Variants in ANK2 observed in about 807,000 individuals in gnomAD.
ANK2 encodes ankyrin-2.
ANK2 carries 83 observed loss-of-function variants against 360.5 expected under a neutral mutation model. That is an observed-to-expected ratio of 0.23 (90% CI 0.19 to 0.28). ANK2 has a LOEUF of 0.28. Among genes scored for constraint, ANK2 ranks in the 10% least tolerant of loss-of-function variants. The pLI is 1.00. For missense variants in ANK2, 4,201 were observed against 4,795.7 expected, an observed-to-expected ratio of 0.88 and a Z score of 3.66; for synonymous variants, 1,740 against 1,759.5, an observed-to-expected ratio of 0.99 and a Z score of 0.28.
At chr4:112,948,104 C>T (rs1006334221) in intron 2 of ANK2, among the ~76,000 whole-genome samples, 4 of 152,158 alleles carry the variant, frequency 2.6e-5, no homozygotes, top group African/African-American at 9.7e-5. Context: ...AATTAGAAAT[C>T]AGAGTAGGGA....
the ANK2 span, among the ~76,000 whole-genome samples, chr4:112,725,639 C>T: frequency 1.3e-5 from 2 of 152,014 alleles, no homozygotes; most frequent in Non-Finnish European, 1.5e-5. Context: ...GGATTACAGG[C>T]GTAAGCCACT....
intron 1 of ANK2, among the ~76,000 whole-genome samples, chr4:113,092,481 T>C (rs2088864365): frequency 6.6e-6 from 1 of 152,164 alleles, no homozygotes; most frequent in Admixed American, 6.5e-5. Flanking sequence ...GCGGAATTTA[T>C]ATTTACATCA....
At chr4:113,089,864 AT>A (rs2086896020) in intron 1 of ANK2, among the ~76,000 whole-genome samples, 1 of 152,198 alleles carries the variant, frequency 6.6e-6, no homozygotes, top group Non-Finnish European at 1.5e-5. Context: ...TGATAAAAAA[AT>A]ATATGAAACA....
chr4:112,811,271 C>T, the ANK2 span, among the ~76,000 whole-genome samples: 1 of 152,064 alleles, frequency 6.6e-6, no homozygotes, highest in Non-Finnish European at 1.5e-5. Context: ...AGAATTCCAC[C>T]TTCTGGATTT....
In ANK2 at chr4:113,358,992, C is replaced by T. The variant is rs1455513350; in HGVS notation, c.10374C>T (p.Ser3458=). Residue 3458 remains serine (S), a synonymous_variant, in exon 38 of 46, where the codon AGC becomes AGT. Transcript: ENST00000357077. ...CATCTTCCTGCAGGGGGGGCACGAG[C>T]CCCACAAAAGAAAGTAAGGAGCATT... is the stretch of plus-strand genomic sequence containing the variant. ...STTSSCRGGT[S]PTKESKEHFF... is the part of the protein sequence containing the mutation. 5 of 1,613,920 alleles carry T rather than the reference C, an allele frequency of 3.1e-6. No individual in the cohort carries two copies. In the African/African-American group the frequency reaches 6.7e-5, roughly 22 times the overall value.
chr4:112,827,422 C>G lies in ANK2; in HGVS notation c.-40+9158C>G, dbSNP rs1238867818. 2.2e-6 allele frequency: 3 copies of G among 1,383,498 alleles called. No homozygotes were observed. The Admixed American group carries it at 5.0e-5, about 23-fold the overall frequency. 85.7% of individuals were successfully genotyped at this position (1,383,498 alleles called of 1,614,324 possible). A position where few individuals can be genotyped will look rare whatever the true frequency, so the allele number is the denominator to read the frequency against. ...TATTGGACCAAGGAAGAAGAGACCACTAGAACTTGGAAGTGAGGGCTTAAA... is the reference window on the plus strand; with the variant it reads ...TATTGGACCAAGGAAGAAGAGACCAGTAGAACTTGGAAGTGAGGGCTTAAA... On this transcript the variant is annotated intron_variant, in intron 1 of 30. Coordinates refer to the ANK2 transcript ENST00000503271.
At chr4:113,172,732 A>G (rs934387337) in intron 1 of ANK2, among the ~76,000 whole-genome samples, 6 of 152,188 alleles carry the variant, frequency 3.9e-5, no homozygotes, top group African/African-American at 1.2e-4. Context: ...CGTATTTTAT[A>G]TCTGTAACCT....
rs115457606 is a variant in ANK2 at position 113,286,784 on chromosome 4, C to A, written c.2080-821C>A. ...ATACTGTAGGCTAGAATGTAAGCTC[C>A]ATAAAGACAGAAACTTTTGTTCACT... On this transcript the variant is annotated intron_variant, in intron 18 of 45. Coordinates refer to ENST00000357077, the MANE Select transcript of ANK2 (RefSeq NM_001148.6). Among the ~76,000 whole-genome samples the A allele has an allele frequency of 5.4e-3, 827 of 152,174 alleles. 12 individuals are homozygous for A. The highest frequency in any genetic ancestry group is 0.019 in the African/African-American group (789 of 41,514).
intron 1 of ANK2, among the ~76,000 whole-genome samples, chr4:113,163,354 C>T (rs778299504): frequency 3.9e-5 from 6 of 152,082 alleles, no homozygotes; most frequent in Non-Finnish European, 7.4e-5. Context: ...TCCCCATTTG[C>T]GACCCACATA....
intron 2 of ANK2, among the ~76,000 whole-genome samples, chr4:113,022,162 T>C (rs2058324906): frequency 6.6e-6 from 1 of 152,210 alleles, no homozygotes; most frequent in Admixed American, 6.5e-5. Flanking sequence ...GTCCAATTAG[T>C]GTTGCTGGAC....
intron 2 of ANK2, among the ~76,000 whole-genome samples, chr4:112,972,937 T>C (rs1336738825): frequency 6.6e-6 from 1 of 152,098 alleles, no homozygotes; most frequent in Non-Finnish European, 1.5e-5. Flanking sequence ...CCAAATAGTG[T>C]ATGTTCTCAC....
At chr4:113,247,091 T>C (rs192439991) in intron 9 of ANK2, among the ~76,000 whole-genome samples, 2 of 152,044 alleles carry the variant, frequency 1.3e-5, no homozygotes, top group African/African-American at 2.4e-5. Flanking sequence ...CCAATGTTGA[T>C]TGATCTACCT....
intron 2 of ANK2, among the ~76,000 whole-genome samples, chr4:112,958,824 A>G (rs1008757553): frequency 6.8e-6 from 1 of 146,928 alleles, no homozygotes; most frequent in East Asian, 2.1e-4. Flanking sequence ...AAAAAAATCT[A>G]TTTTGGGGGT....
At chr4:112,882,554 T>C (rs919932413) in intron 1 of ANK2, among the ~76,000 whole-genome samples, 3 of 152,204 alleles carry the variant, frequency 2.0e-5, no homozygotes, top group Non-Finnish European at 4.4e-5. Context: ...AGCTGTTCAA[T>C]GATTCAGAAA....
chr4:112,748,456 CT>C, the ANK2 span, among the ~76,000 whole-genome samples: 2 of 152,178 alleles, frequency 1.3e-5, no homozygotes, highest in East Asian at 3.8e-4. Context: ...ACCTGGTGTC[CT>C]TAATTCCTGG....
intron 20 of ANK2, among the ~76,000 whole-genome samples, chr4:113,289,312 C>T (rs771398781): frequency 3.8e-4 from 57 of 150,360 alleles, no homozygotes; most frequent in Non-Finnish European, 5.6e-4. Context: ...AACCTGGGCT[C>T]AAGTCATTCT....
At chr4:112,876,791 G>C (rs1043120725) in intron 1 of ANK2, among the ~76,000 whole-genome samples, 4 of 152,072 alleles carry the variant, frequency 2.6e-5, no homozygotes, top group African/African-American at 9.7e-5. Context: ...CCATGTGTCA[G>C]GTCTACTATT....
In ANK2 at chr4:113,358,675, C is replaced by T; in HGVS notation, c.10057C>T (p.Pro3353Ser). ...AAAGTCCAAACTCCCTGTCAAAGTA[C>T]CCCTCCAAAGAGTTGAACAGCAGCT... The part of the protein sequence containing the change: ...KPKSKLPVKV[P>S]LQRVEQQLSD... Residue 3353 changes from proline to serine, a missense_variant, in exon 38 of 46, where the codon CCC (proline) becomes TCC (serine). Around this residue, in one of 4 missense-constraint regions of ANK2, gnomAD observed 2,642 missense variants for 2,714.5 expected, o/e 0.97. Coordinates refer to ENST00000357077, the MANE Select transcript of ANK2 (RefSeq NM_001148.6). The T allele has an allele frequency of 1.9e-6, 3 of 1,614,034 alleles. No individual in the cohort carries two copies. Among genetic ancestry groups the T allele is most frequent in the Non-Finnish European group, 2.5e-6 (3 of 1,179,948 alleles).
chr4:113,155,190 C>A (rs2097239061), intron 1 of ANK2, among the ~76,000 whole-genome samples: 1 of 152,130 alleles, frequency 6.6e-6, no homozygotes, highest in African/African-American at 2.4e-5. Context: ...GCTTTGTGAA[C>A]CGAGTATTAA....
Sources: gnomAD v4.1 joint callset for allele counts (sites outside exome capture counted in the v4.1 genomes callset) on GRCh38, gnomAD v4.1.1 for gene constraint, gnomAD v4.1.1 regional missense constraint, MANE v1.5 for transcripts, NCBI Gene and HGNC (gene_info 2026-07-23, HGNC 2026-07-21) for gene names.